SLC6A3: variants seen among roughly 807,000 people sequenced by gnomAD.
SLC6A3 encodes the protein sodium-dependent dopamine transporter.
In SLC6A3, 19 loss-of-function variants were observed where a neutral mutation model predicts 70.4. The observed-to-expected ratio is 0.27, with a 90% CI of 0.19 to 0.40. The LOEUF (loss-of-function observed/expected upper bound fraction) is 0.40. Among genes scored for constraint, SLC6A3 ranks in the 10% least tolerant of loss-of-function variants. The pLI is 1.00. For missense variants in SLC6A3, 613 were observed against 838.5 expected (o/e 0.73, Z 3.32); for synonymous variants, 368 against 356.6 (o/e 1.03, Z -0.36).
In SLC6A3 at chr5:1,442,266, C is replaced by T. The variant is rs529351321; in HGVS notation, c.286+646G>A. Among the ~76,000 whole-genome samples, 48 of 152,312 alleles carry T rather than the reference C, an allele frequency of 3.2e-4. No individual in the cohort carries two copies. The highest frequency in any genetic ancestry group is 9.1e-4 in the African/African-American group (38 of 41,570). Reference sequence around the variant, plus strand: ...ATGGGCATAAAAATGCCAGCCTCCTCGCAGGCATCCTGTGAGGCTTCCCCC... The same window carrying T: ...ATGGGCATAAAAATGCCAGCCTCCTTGCAGGCATCCTGTGAGGCTTCCCCC... On this transcript the variant is annotated intron_variant, in intron 2 of 14. Transcript: ENST00000270349. This position sits in a 1 kb window ranked among gnomAD's most constrained non-coding sequence, Gnocchi z 5.0.
Position 1,437,071 on chromosome 5 carries a change from GA to G in SLC6A3, c.418+4287del. Among the ~76,000 whole-genome samples, 2 of 152,116 alleles carry G rather than the reference GA, an allele frequency of 1.3e-5. No individual in the cohort carries two copies. The highest frequency in any genetic ancestry group is 2.9e-5 in the Non-Finnish European group (2 of 68,020). ...TCGAGACCATCCTGGCTAACACGAT[GA>G]AACCCCGTCTCTACTAAAAATACAA... On this transcript the variant is annotated intron_variant, in intron 3 of 14. Coordinates refer to ENST00000270349, the MANE Select transcript of SLC6A3 (RefSeq NM_001044.5). This position sits in a 1 kb window ranked among gnomAD's most constrained non-coding sequence, Gnocchi z 4.8.
intron 4 of SLC6A3, among the ~76,000 whole-genome samples, chr5:1,431,605 G>A (rs1281805542): frequency 2.0e-5 from 3 of 151,446 alleles, no homozygotes; most frequent in South Asian, 2.1e-4. Flanking sequence ...CATGAGGGGC[G>A]GGCCTGGCCG....
intron 1 of SLC6A3, among the ~76,000 whole-genome samples, chr5:1,444,693 G>A (rs542457023): frequency 6.6e-6 from 1 of 152,338 alleles, no homozygotes; most frequent in African/African-American, 2.4e-5. Context: ...TGCGGAGCTC[G>A]CGAGTCTCCG....
rs1317078019 is a variant in SLC6A3, at chr5:1,437,198, C to T, written c.418+4161G>A. 2.0e-5 allele frequency among the ~76,000 whole-genome samples: 3 copies of T among 151,166 alleles called. No homozygotes were observed. The highest frequency in any genetic ancestry group is 2.1e-4 in the South Asian group (1 of 4,790). On this transcript the variant is annotated intron_variant, in intron 3 of 14. Transcript: ENST00000270349. This position sits in a 1 kb window ranked among gnomAD's most constrained non-coding sequence, Gnocchi z 4.8. Reference sequence around the variant, plus strand: ...CCCGGGACGCGCAGGTGACAGTGAGCCAAGATCGCGCCTTTGCACTCCAGC... The same window carrying T: ...CCCGGGACGCGCAGGTGACAGTGAGTCAAGATCGCGCCTTTGCACTCCAGC...
rs1364543264 is a variant in SLC6A3, at chr5:1,439,897, C to A, written c.418+1462G>T. Among the ~76,000 whole-genome samples, 8 of 152,322 alleles carry A rather than the reference C, an allele frequency of 5.3e-5. No individual in the cohort carries two copies. The East Asian group carries it at 1.5e-3, about 29-fold the overall frequency. On this transcript the variant is annotated intron_variant, in intron 3 of 14. Transcript: ENST00000270349. ...ATCCCACTCTGCTCTGATGGGGACACCAGGGGGAACGACCCCGGCCCTCTG... is the reference window on the plus strand; with the variant it reads ...ATCCCACTCTGCTCTGATGGGGACAACAGGGGGAACGACCCCGGCCCTCTG...
chr5:1,406,415 G>T lies in SLC6A3; in HGVS notation c.1499-127C>A, dbSNP rs1334867137. On this transcript the variant is annotated intron_variant, in intron 11 of 14. Transcript: ENST00000270349. The surrounding 1 kb of genome is among the most constrained non-coding windows in gnomAD (Gnocchi z 8.8). ...CGGCCCCAGGCTTCGGCTGCACCCA[G>T]CCTCCTGCAGAGGAGGCCAGGCCAC... 2 of 816,960 alleles carry T rather than the reference G, an allele frequency of 2.4e-6. No homozygotes were observed. Among genetic ancestry groups the T allele is most frequent in the Non-Finnish European group, 4.2e-6 (2 of 478,150 alleles). The allele number at this position is 816,960 out of a possible 1,614,324, so 50.6% of individuals were successfully genotyped here. A position where few individuals can be genotyped will look rare whatever the true frequency, so the allele number is the denominator to read the frequency against.
intron 14 of SLC6A3, among the ~76,000 whole-genome samples, 190 bp downstream of exon 14, chr5:1,400,725 C>T (rs527796976): frequency 6.6e-5 from 10 of 152,262 alleles, no homozygotes; most frequent in African/African-American, 1.9e-4. Context: ...GCGTCATGTG[C>T]CCCCCGTCCC....
rs572578978 is a variant in SLC6A3, at chr5:1,406,483, G to A, written c.1499-195C>T. On this transcript the variant is annotated intron_variant, in intron 11 of 14. Coordinates refer to ENST00000270349, the MANE Select transcript of SLC6A3 (RefSeq NM_001044.5). This position sits in a 1 kb window ranked among gnomAD's most constrained non-coding sequence, Gnocchi z 8.8. ...GCCTCGCTGACGGGTGGGAGCCCAC[G>A]TGCCTGCTCCACCCTGGAGATGCAC... 8.5e-5 allele frequency among the ~76,000 whole-genome samples: 13 copies of A among 152,264 alleles called. No individual in the cohort carries two copies. The South Asian group carries it at 1.2e-3, about 15-fold the overall frequency.
chr5:1,418,567 TCTAC>T (rs1480556685), intron 6 of SLC6A3, among the ~76,000 whole-genome samples: 3 of 152,138 alleles, frequency 2.0e-5, no homozygotes, highest in East Asian at 1.9e-4. Context: ...ATCCATCCTA[TCTAC>T]CTACCTATCA....
chr5:1,424,847 T>A (rs1015293156), intron 4 of SLC6A3, among the ~76,000 whole-genome samples: 1 of 152,010 alleles, frequency 6.6e-6, no homozygotes, highest in Non-Finnish European at 1.5e-5. Flanking sequence ...CACAGACAAT[T>A]TAGAGAACCG....
Position 1,436,840 on chromosome 5 carries a change from C to T in SLC6A3, c.419-4142G>A, listed in dbSNP as rs993462519. 4.6e-5 allele frequency among the ~76,000 whole-genome samples: 7 copies of T among 152,216 alleles called. No individual in the cohort carries two copies. Among genetic ancestry groups the T allele is most frequent in the South Asian group, 2.1e-4 (1 of 4,836 alleles). On this transcript the variant is annotated intron_variant, in intron 3 of 14. Coordinates refer to ENST00000270349, the MANE Select transcript of SLC6A3 (RefSeq NM_001044.5). This position sits in a 1 kb window ranked among gnomAD's most constrained non-coding sequence, Gnocchi z 5.2. ...ACACCAGTACACCCCAGGGCACCCA[C>T]GAGAGCTGGCTTCAGGAGAGGGTGT...
intron 3 of SLC6A3, 33 bp from the exon 4 acceptor site, chr5:1,432,731 C>G (rs1260040533): frequency 6.6e-7 from 1 of 1,512,784 alleles, no homozygotes; most frequent in Admixed American, 1.7e-5. Flanking sequence ...GGAGCCCACG[C>G]AGGTGGAGCA....
intron 6 of SLC6A3, among the ~76,000 whole-genome samples, chr5:1,420,102 G>A (rs542271744): frequency 4.1e-4 from 63 of 152,316 alleles, no homozygotes; most frequent in Non-Finnish European, 7.9e-4. Context: ...CCCCTGGGCG[G>A]CTTTGGGGCC....
intron 4 of SLC6A3, among the ~76,000 whole-genome samples, chr5:1,423,473 G>C (rs938411567): frequency 1.3e-5 from 2 of 152,250 alleles, no homozygotes; most frequent in Admixed American, 6.5e-5. Context: ...ACTGTTTTCT[G>C]AGGGGATGGC....
rs182827048 is a variant in SLC6A3, at chr5:1,399,083, T to A, written c.1839+1832A>T. 2.9e-3 allele frequency among the ~76,000 whole-genome samples: 442 copies of A among 152,332 alleles called. 3 individuals carry two copies. Among genetic ancestry groups the A allele is most frequent in the Non-Finnish European group, 3.5e-3 (237 of 68,028 alleles). ...AACGTTTATCAAAGTTGATCAGGTA[T>A]AAGGCCCTAAAGAAGTCTCAATACA... On this transcript the variant is annotated intron_variant, in intron 14 of 14. Coordinates refer to ENST00000270349, the MANE Select transcript of SLC6A3 (RefSeq NM_001044.5).
rs1003865069 is a variant in SLC6A3 at position 1,397,507 on chromosome 5, G to A, written c.1840-2749C>T. Among the ~76,000 whole-genome samples, 5 of 152,166 alleles carry A rather than the reference G, an allele frequency of 3.3e-5. No homozygotes were observed. Among genetic ancestry groups the A allele is most frequent in the African/African-American group, 9.7e-5 (4 of 41,440 alleles). ...CACTCCGCAGTGAACCCGAGACACCGAAAGCAGAAGAAACTCGGCCGAGTG... is the reference window on the plus strand; with the variant it reads ...CACTCCGCAGTGAACCCGAGACACCAAAAGCAGAAGAAACTCGGCCGAGTG... On this transcript the variant is annotated intron_variant, in intron 14 of 14. Transcript: ENST00000270349. This position sits in a 1 kb window ranked among gnomAD's most constrained non-coding sequence, Gnocchi z 4.7.
intron 10 of SLC6A3, 67 bp downstream of exon 10, chr5:1,409,654 A>C: frequency 2.0e-5 from 32 of 1,565,648 alleles, no homozygotes; most frequent in Non-Finnish European, 2.3e-5. Flanking sequence ...AGTCCCAGCC[A>C]GGGCGCCCCG....
At chr5:1,431,586 G>A (rs1317784168) in intron 4 of SLC6A3, among the ~76,000 whole-genome samples, 3 of 150,186 alleles carry the variant, frequency 2.0e-5, no homozygotes, top group African/African-American at 7.4e-5. Flanking sequence ...GGGCCTGGCC[G>A]GGGTGGACCA....
intron 3 of SLC6A3, among the ~76,000 whole-genome samples, chr5:1,440,776 T>C (rs1371374513): frequency 6.6e-6 from 1 of 152,008 alleles, no homozygotes; most frequent in African/African-American, 2.4e-5. Flanking sequence ...CTAGAACAGA[T>C]GCTTCCTCAC....
Sources: gnomAD v4.1 joint callset for allele counts (sites outside exome capture counted in the v4.1 genomes callset) on GRCh38, gnomAD v4.1.1 for gene constraint, Gnocchi (gnomAD v3.1) non-coding constraint, MANE v1.5 for transcripts, NCBI Gene and HGNC (gene_info 2026-07-23, HGNC 2026-07-21) for gene names.